Variants in TNMD observed in about 807,000 individuals in gnomAD.
TNMD encodes the protein tenomodulin.
In TNMD, 15 loss-of-function variants were observed where a neutral mutation model predicts 26.9. The ratio of observed to expected loss-of-function variants is 0.56; its 90% CI spans 0.37 to 0.86. The LOEUF is 0.86. Ranked by LOEUF, TNMD falls within the 40% of genes least tolerant of loss-of-function variation. The pLI is 0.00. For missense variants in TNMD, 222 were observed against 242.6 expected (o/e 0.92, Z 0.56); for synonymous variants, 73 against 77.0 (o/e 0.95, Z 0.27).
chrX:100,594,388 G>A, intron 4 of TNMD, 26 bp downstream of exon 4: 3 of 985,293 alleles, frequency 3.0e-6, no homozygotes, highest in East Asian at 6.2e-5. Flanking sequence ...AATTGTGGTG[G>A]CAAAAGACAT....
rs1337120716 is a variant in TNMD, at chrX:100,599,564, T to C, written c.801T>C (p.Ile267=). 2 of 1,208,557 alleles carry C rather than the reference T, an allele frequency of 1.7e-6. No homozygotes were observed. Among genetic ancestry groups the C allele is most frequent in the African/African-American group, 3.5e-5 (2 of 56,890 alleles). Residue 267 remains isoleucine (I), a synonymous_variant, in exon 7 of 7, where the codon ATT becomes ATC. Transcript: ENST00000373031. The part of the protein sequence containing the change: ...PMLDERGYCC[I]YCRRGNRYCR... The stretch of plus-strand genomic sequence containing the variant: ...TGGATGAGAGAGGTTATTGTTGTAT[T>C]TACTGCCGTCGAGGCAACCGCTATT...
intron 5 of TNMD, among the ~76,000 whole-genome samples, chrX:100,598,438 T>A (rs914822145): frequency 8.9e-6 from 1 of 111,796 alleles, no homozygotes; most frequent in African/African-American, 3.3e-5. Context: ...CTGAATAAAG[T>A]CTGTAGTTTA....
intron 4 of TNMD, among the ~76,000 whole-genome samples, chrX:100,595,658 A>G (rs1441676307): frequency 1.8e-5 from 2 of 109,035 alleles, no homozygotes; most frequent in African/African-American, 6.7e-5. Flanking sequence ...CTCCCACTTT[A>G]CTCTTTCATG....
chrX:100,587,310 A>G (rs1380483244), intron 2 of TNMD, among the ~76,000 whole-genome samples: 1 of 112,351 alleles, frequency 8.9e-6, no homozygotes, highest in East Asian at 2.8e-4. Flanking sequence ...GAGCAATCCT[A>G]TGATACCTCA....
Position 100,594,043 on chromosome X carries a change from G to A in TNMD, c.321+8G>A, listed in dbSNP as rs1210090247. On this transcript the variant is annotated splice_region_variant and intron_variant, in intron 3 of 6. Transcript: ENST00000373031. ...GTGCACGACTTTAAAAACGTAAGTT[G>A]GATGTTTTCCTCCTAAGGCTTTCCA... The A allele has an allele frequency of 3.3e-6, 4 of 1,203,335 alleles. No individual in the cohort carries two copies. Among genetic ancestry groups the A allele is most frequent in the Non-Finnish European group, 4.5e-6 (4 of 891,529 alleles).
chrX:100,588,628 G>A (rs1602685427), intron 2 of TNMD, among the ~76,000 whole-genome samples: 1 of 111,860 alleles, frequency 8.9e-6, no homozygotes, highest in East Asian at 2.8e-4. Flanking sequence ...AAAGCCCCCT[G>A]TATTACACAT....
intron 2 of TNMD, 146 bp from the exon 3 acceptor site, chrX:100,593,749 G>T: frequency 1.7e-6 from 1 of 585,454 alleles, no homozygotes; most frequent in Non-Finnish European, 2.6e-6. Context: ...AAAACTGTTG[G>T]AATTCTTAGT....
chrX:100,596,260 G>C lies in TNMD; in HGVS notation c.424-1244G>C, dbSNP rs1226963245. 2.7e-5 allele frequency among the ~76,000 whole-genome samples: 3 copies of C among 112,108 alleles called. No homozygotes were observed. The East Asian group carries it at 8.4e-4, about 31-fold the overall frequency. ...GAGGTGGGAGGATCACTTGAACCCG[G>C]GAGGTGGAGGTTTCAGTAAGCCGAG... On this transcript the variant is annotated intron_variant, in intron 4 of 6. Transcript: ENST00000373031.
At chrX:100,599,359 T>C (rs1602691244) in intron 6 of TNMD, 149 bp from the exon 7 acceptor site, 1 of 624,251 alleles carries the variant, frequency 1.6e-6, no homozygotes, top group African/African-American at 2.3e-5. Context: ...TCTCGATCTC[T>C]GTAGATATAT....
Position 100,594,004 on chromosome X carries a change from A to G in TNMD, c.290A>G (p.Asp97Gly). 8.3e-7 allele frequency: 1 copy of G among 1,210,843 alleles called. No homozygotes were observed. The highest frequency in any genetic ancestry group is 1.1e-6 in the Non-Finnish European group (1 of 894,881). ...ATATTCAGAAGCGGAAATGGCACTG[A>G]TGAAACATTGGAAGTGCACGACTTT... is the stretch of plus-strand genomic sequence containing the variant. Reference protein sequence around the residue: ...TEIFRSGNGTDETLEVHDFKN... With the variant: ...TEIFRSGNGTGETLEVHDFKN... Residue 97 changes from aspartate to glycine, a missense_variant, in exon 3 of 7, where the codon GAT becomes GGT. Transcript: ENST00000373031.
At chrX:100,587,336 T>C (rs916136401) in intron 2 of TNMD, among the ~76,000 whole-genome samples, 3 of 112,322 alleles carry the variant, frequency 2.7e-5, no homozygotes, top group African/African-American at 9.7e-5. Flanking sequence ...AAATAAAACT[T>C]GGTCAGTGCA....
chrX:100,596,780 C>T (rs1235477227), intron 4 of TNMD, among the ~76,000 whole-genome samples: 1 of 111,654 alleles, frequency 9.0e-6, no homozygotes, highest in Non-Finnish European at 1.9e-5. Flanking sequence ...ACTAGGTATA[C>T]AACACAATTA....
intron 5 of TNMD, among the ~76,000 whole-genome samples, chrX:100,598,132 A>G (rs1203504600): frequency 8.9e-6 from 1 of 111,955 alleles, no homozygotes; most frequent in Non-Finnish European, 1.9e-5. Flanking sequence ...AGGAATTACT[A>G]TAAAAATAGT....
chrX:100,593,072 G>A (rs1309389850), intron 2 of TNMD, among the ~76,000 whole-genome samples: 4 of 111,877 alleles, frequency 3.6e-5, no homozygotes, highest in African/African-American at 1.3e-4. Context: ...TGCCATATGG[G>A]ACTGGTCCTC....
rs1413012566 is a variant in TNMD at position 100,585,362 on chromosome X, A to T, written c.180A>T (p.Lys60Asn). Reference protein sequence around the residue: ...SKHFWPEVPKKAYDMEHTFYS... With the variant: ...SKHFWPEVPKNAYDMEHTFYS... The stretch of plus-strand genomic sequence containing the variant: ...ACTTCTGGCCGGAGGTACCCAAAAA[A>T]GTAAGTAAATACACATCATAATCTG... The change falls in exon 2 of 7, where the codon AAA becomes AAT. Residue 60 changes from lysine to asparagine, a missense_variant and splice_region_variant. Coordinates refer to ENST00000373031, the MANE Select transcript of TNMD (RefSeq NM_022144.3). 8.3e-7 allele frequency: 1 copy of T among 1,209,838 alleles called. No individual in the cohort carries two copies. The highest frequency in any genetic ancestry group is 1.8e-5 in the South Asian group (1 of 56,512).
intron 5 of TNMD, 28 bp from the exon 6 acceptor site, chrX:100,598,988 C>T: frequency 4.3e-6 from 5 of 1,155,312 alleles, no homozygotes; most frequent in Non-Finnish European, 5.8e-6. Flanking sequence ...AAAGCAGTTG[C>T]ATCACAACTT....
intron 2 of TNMD, among the ~76,000 whole-genome samples, chrX:100,586,954 T>C (rs181184151): frequency 1.8e-5 from 2 of 112,238 alleles, no homozygotes; most frequent in Non-Finnish European, 3.8e-5. Context: ...TATCCATGAG[T>C]TAAAGGGCCA....
chrX:100,595,903 G>T (rs1211921468), intron 4 of TNMD, among the ~76,000 whole-genome samples: 1 of 111,891 alleles, frequency 8.9e-6, no homozygotes, highest in Non-Finnish European at 1.9e-5. Context: ...AAAATCAATA[G>T]GATTAAAAAG....
At position 100,595,267 on chromosome X, in the gene TNMD, T is replaced by TTTC. The variant is rs201605708; in HGVS notation, c.423+926_423+928dup. Among the ~76,000 whole-genome samples the TTTC allele has an allele frequency of 4.0e-3, 444 of 109,734 alleles. 9 individuals carry two copies. The East Asian group carries it at 0.058, about 14-fold the overall frequency. ...GAATTATGGCAATGGCAGAATGATC[T>TTTC]TTCTTCTTCTTCTTCTTCTTCTTTG... is the stretch of plus-strand genomic sequence containing the variant. On this transcript the variant is annotated intron_variant, in intron 4 of 6. Coordinates refer to ENST00000373031, the MANE Select transcript of TNMD (RefSeq NM_022144.3).
Sources: gnomAD v4.1 joint callset for allele counts (sites outside exome capture counted in the v4.1 genomes callset) on GRCh38, gnomAD v4.1.1 for gene constraint, MANE v1.5 for transcripts, NCBI Gene and HGNC (gene_info 2026-07-23, HGNC 2026-07-21) for gene names.